EPHA6: variants seen among roughly 807,000 people sequenced by gnomAD.
EPHA6 encodes ephrin type-A receptor 6.
In EPHA6, 50 loss-of-function variants were observed where a neutral mutation model predicts 112.0. The observed-to-expected ratio is 0.45, with a 90% CI of 0.36 to 0.56. The LOEUF is 0.56. Among genes scored for constraint, EPHA6 ranks in the 20% least tolerant of loss-of-function variants. The probability of loss-of-function intolerance (pLI) is 0.00; values close to 1 mark genes in which losing one functional copy is unlikely to be tolerated. For missense variants in EPHA6, 1,280 were observed against 1,417.4 expected (o/e 0.90, Z 1.56); for synonymous variants, 529 against 490.7 (o/e 1.08, Z -1.03).
chr3:96,847,999 A>G (rs1014942072), intron 1 of EPHA6, among the ~76,000 whole-genome samples: 5 of 152,136 alleles, frequency 3.3e-5, no homozygotes, highest in African/African-American at 4.8e-5. Flanking sequence ...CACTTGCAGT[A>G]CTGTTAGCTG....
chr3:96,913,197 CACACACACACACACACCA>C (rs766848134), intron 2 of EPHA6, among the ~76,000 whole-genome samples: 8,877 of 136,742 alleles, frequency 0.065, 574 homozygotes, highest in Admixed American at 0.21. Flanking sequence ...CACACACACA[CACACACACACACACACCA>C]CACACACGGG....
chr3:96,931,148 G>T (rs971125943), intron 2 of EPHA6, among the ~76,000 whole-genome samples: 3 of 152,060 alleles, frequency 2.0e-5, no homozygotes, highest in Non-Finnish European at 2.9e-5. Context: ...CAACCAAGGT[G>T]GTGGCCTGCC....
At chr3:97,563,156 T>A (rs996507389) in intron 11 of EPHA6, among the ~76,000 whole-genome samples, 1 of 152,064 alleles carries the variant, frequency 6.6e-6, no homozygotes, top group African/African-American at 2.4e-5. Flanking sequence ...CGTAATATAA[T>A]ATAATGGATT....
Position 97,416,297 on chromosome 3 carries a change from C to T in EPHA6, c.1731+11023C>T, listed in dbSNP as rs145405796. On this transcript the variant is annotated intron_variant, in intron 6 of 17. Transcript: ENST00000389672. Reference sequence around the variant, plus strand: ...CATGCTGTTTCCTAAAAATTAAATCCAAGACTTTTTGGCAATCTAAAGTTA... The same window carrying T: ...CATGCTGTTTCCTAAAAATTAAATCTAAGACTTTTTGGCAATCTAAAGTTA... 4.8e-3 allele frequency among the ~76,000 whole-genome samples: 735 copies of T among 152,014 alleles called. 7 individuals are homozygous for T. Among genetic ancestry groups the T allele is most frequent in the African/African-American group, 0.017 (706 of 41,482 alleles).
intron 6 of EPHA6, among the ~76,000 whole-genome samples, chr3:97,438,508 T>G (rs2089973024): frequency 1.3e-5 from 2 of 152,226 alleles, no homozygotes. Flanking sequence ...TCTAATAATA[T>G]TTAAGAATTT....
In EPHA6 at chr3:97,747,325, G is replaced by T. The variant is rs902300146; in HGVS notation, c.3129-98G>T. 16 of 1,062,958 alleles carry T rather than the reference G, an allele frequency of 1.5e-5. No homozygotes were observed. The African/African-American group carries it at 2.7e-4, about 18-fold the overall frequency. 65.8% of individuals were successfully genotyped at this position (1,062,958 alleles called of 1,614,324 possible). A position where few individuals can be genotyped will look rare whatever the true frequency, so the allele number is the denominator to read the frequency against. ...CAAATGGAGAATAAAAACATTAGAT[G>T]TAAGAATATTGTAAAAGTAAAAATA... On this transcript the variant is annotated intron_variant, in intron 16 of 17. Transcript: ENST00000389672.
intron 14 of EPHA6, chr3:97,648,473 T>C: frequency 3.9e-6 from 5 of 1,297,242 alleles, no homozygotes; most frequent in African/African-American, 1.5e-5. Flanking sequence ...CTCCTTCACC[T>C]AATTTAGGTG....
rs144405914 is a variant in EPHA6, at chr3:96,876,495, C to T, written c.450+9606C>T. Among the ~76,000 whole-genome samples the T allele has an allele frequency of 2.9e-3, 443 of 151,446 alleles. 4 individuals carry two copies. The highest frequency in any genetic ancestry group is 9.8e-3 in the African/African-American group (405 of 41,302). On this transcript the variant is annotated intron_variant, in intron 2 of 17. Transcript: ENST00000389672. The stretch of plus-strand genomic sequence containing the variant: ...TTCTTCTGACCTTTCCAACCCATCC[C>T]TCATCCTGTTGCCAGAACTGATTTT...
At chr3:97,479,449 GA>G in intron 9 of EPHA6, 85 bp downstream of exon 9, 2 of 773,638 alleles carry the variant, frequency 2.6e-6, no homozygotes, top group Non-Finnish European at 1.9e-6. Context: ...ATTGAGTTGA[GA>G]AAAAAAGAAA....
At chr3:97,688,180 A>G (rs1481859196) in intron 14 of EPHA6, among the ~76,000 whole-genome samples, 1 of 152,100 alleles carries the variant, frequency 6.6e-6, no homozygotes, top group Non-Finnish European at 1.5e-5. Flanking sequence ...GCCAGTGGAA[A>G]TTTCTGATTG....
chr3:97,477,841 A>G (rs939200797), intron 8 of EPHA6, among the ~76,000 whole-genome samples: 3 of 152,116 alleles, frequency 2.0e-5, no homozygotes, highest in African/African-American at 7.2e-5. Flanking sequence ...TTTTTAAAGT[A>G]CAATGGCATT....
At chr3:97,102,098 C>G (rs2047420569) in intron 3 of EPHA6, among the ~76,000 whole-genome samples, 1 of 152,026 alleles carries the variant, frequency 6.6e-6, no homozygotes, top group South Asian at 2.1e-4. Flanking sequence ...TCTTGGTACT[C>G]AGACACTCTC....
intron 5 of EPHA6, among the ~76,000 whole-genome samples, chr3:97,346,999 A>G (rs1172794708): frequency 1.3e-5 from 2 of 152,130 alleles, no homozygotes; most frequent in Non-Finnish European, 2.9e-5. Flanking sequence ...TACGTGGAGC[A>G]AGAAATTGGA....
At chr3:96,878,142 A>G (rs1421546004) in intron 2 of EPHA6, among the ~76,000 whole-genome samples, 1 of 151,996 alleles carries the variant, frequency 6.6e-6, no homozygotes, top group Admixed American at 6.6e-5. Context: ...CATATTCATT[A>G]TAAATATCAT....
At chr3:97,611,570 G>A (rs948948835) in intron 13 of EPHA6, among the ~76,000 whole-genome samples, 7 of 151,558 alleles carry the variant, frequency 4.6e-5, no homozygotes, top group African/African-American at 1.2e-4. Flanking sequence ...CATTGATAGT[G>A]AAAAAAGTGA....
chr3:96,884,340 C>T (rs930813574), intron 2 of EPHA6, among the ~76,000 whole-genome samples: 4 of 152,034 alleles, frequency 2.6e-5, no homozygotes, highest in African/African-American at 9.7e-5. Flanking sequence ...TTGATTCTAC[C>T]CATCCATGAG....
At chr3:97,174,320 T>C (rs967717096) in intron 3 of EPHA6, among the ~76,000 whole-genome samples, 16 of 151,928 alleles carry the variant, frequency 1.1e-4, no homozygotes, top group African/African-American at 3.9e-4. Context: ...TTAGGTTGCT[T>C]CCAAATCTTA....
At chr3:96,988,055 T>G (rs2043085193) in intron 3 of EPHA6, 62 bp downstream of exon 3, 2 of 1,329,288 alleles carry the variant, frequency 1.5e-6, no homozygotes. Context: ...AAGTTTTATT[T>G]TTTAAATTAA....
chr3:97,440,214 T>G (rs1370000723), intron 6 of EPHA6, among the ~76,000 whole-genome samples: 1 of 152,152 alleles, frequency 6.6e-6, no homozygotes, highest in African/African-American at 2.4e-5. Flanking sequence ...TCTAATTTCC[T>G]TACTGTGTAA....
Sources: gnomAD v4.1 joint callset for allele counts (sites outside exome capture counted in the v4.1 genomes callset) on GRCh38, gnomAD v4.1.1 for gene constraint, MANE v1.5 for transcripts, NCBI Gene and HGNC (gene_info 2026-07-23, HGNC 2026-07-21) for gene names.